The following ACBD6 variants were observed in gnomAD, a reference collection of about 807,000 sequenced individuals.
ACBD6 encodes the protein acyl-CoA binding domain containing 6, also known as acyl-CoA-binding domain-containing protein 6.
A neutral mutation model predicts 37.2 loss-of-function variants in ACBD6; 28 were observed. The ratio of observed to expected loss-of-function variants is 0.75; its 90% CI spans 0.56 to 1.03. The LOEUF (loss-of-function observed/expected upper bound fraction) is 1.03, where lower values mean the gene tolerates loss of function less well. ACBD6 is among the 50% of genes least tolerant of loss of function. The pLI, the probability that ACBD6 is intolerant of heterozygous loss-of-function variation, is 0.00. For missense variants in ACBD6, 340 were observed against 337.4 expected (o/e 1.01, Z -0.06); for synonymous variants, 113 against 126.8 (o/e 0.89, Z 0.73).
intron 7 of ACBD6, among the ~76,000 whole-genome samples, chr1:180,306,977 T>C (rs1650406278): frequency 2.0e-5 from 3 of 152,172 alleles, no homozygotes; most frequent in South Asian, 4.1e-4. Context: ...AATAGGCTAC[T>C]ATACGATCCA....
At chr1:180,404,766 G>A (rs1205338375) in intron 5 of ACBD6, among the ~76,000 whole-genome samples, 1 of 152,108 alleles carries the variant, frequency 6.6e-6, no homozygotes, top group East Asian at 1.9e-4. Context: ...CCTCATGTGA[G>A]CATATTTAAT....
intron 3 of ACBD6, among the ~76,000 whole-genome samples, chr1:180,454,927 G>T (rs1258961068): frequency 6.6e-6 from 1 of 152,204 alleles, no homozygotes; most frequent in African/African-American, 2.4e-5. Context: ...TGGTGGGACT[G>T]TAAACTAGTT....
chr1:180,308,626 C>T (rs1650477456), intron 7 of ACBD6, among the ~76,000 whole-genome samples: 1 of 152,188 alleles, frequency 6.6e-6, no homozygotes, highest in African/African-American at 2.4e-5. Context: ...ACCCCTTTGC[C>T]TCCTCTTTTA....
chr1:180,477,110 A>G (rs1650828943), intron 3 of ACBD6, among the ~76,000 whole-genome samples: 1 of 152,196 alleles, frequency 6.6e-6, no homozygotes. Flanking sequence ...ATACAGGAAC[A>G]GGTAATGGAT....
chr1:180,416,181 G>GT (rs1234642608), intron 4 of ACBD6, among the ~76,000 whole-genome samples: 2 of 152,008 alleles, frequency 1.3e-5, no homozygotes, highest in Non-Finnish European at 2.9e-5. Flanking sequence ...CAACCAAGCT[G>GT]TTTTTATACA....
rs1214746044 is a variant in ACBD6, at chr1:180,495,518, A to T, written c.230T>A (p.Val77Asp). The change falls in exon 2 of 8, where the codon GTT (valine) becomes GAT (aspartate). Residue 77 changes from valine (V) to aspartate (D), a missense_variant. Coordinates refer to ENST00000367595, the MANE Select transcript of ACBD6 (RefSeq NM_032360.4). ...YLYARYKQVK[V>D]GNCNTPKPSF... ...TGGTTTAGGAGTATTACAATTTCCA[A>T]CTTTGACCTAAATGAGGGAAGGAAA... 1.9e-6 allele frequency: 3 copies of T among 1,609,844 alleles called. No homozygotes were observed. The highest frequency in any genetic ancestry group is 2.2e-5 in the South Asian group (2 of 90,536).
intron 5 of ACBD6, among the ~76,000 whole-genome samples, chr1:180,407,639 C>T (rs183656250): frequency 1.5e-3 from 233 of 152,252 alleles, no homozygotes; most frequent in African/African-American, 5.4e-3. Context: ...CTTCTAAAAT[C>T]TAGTGGTAGG....
Position 180,288,388 on chromosome 1 carries a change from T to C in ACBD6, c.824A>G (p.Gln275Arg), listed in dbSNP as rs780069700. ...TGCKTVSLVLQRHTTGKA is the reference protein window; with the variant it reads ...TGCKTVSLVLRRHTTGKA ...TTAAGCCTTGCCAGTTGTGTGCCGCTGCAGCACCAAAGAAACTGTTTTGCA... is the reference window on the plus strand; with the variant it reads ...TTAAGCCTTGCCAGTTGTGTGCCGCCGCAGCACCAAAGAAACTGTTTTGCA... Residue 275 changes from glutamine (Q) to arginine (R), a missense_variant, in exon 8 of 8, where the codon CAG becomes CGG. Gln to Arg is a conservative substitution (Grantham distance 43, BLOSUM62 1). Coordinates refer to ENST00000367595, the MANE Select transcript of ACBD6 (RefSeq NM_032360.4). 22 of 1,613,678 alleles carry C rather than the reference T, an allele frequency of 1.4e-5. No homozygotes were observed. The Admixed American group carries it at 2.2e-4, about 16-fold the overall frequency.
chr1:180,391,860 A>T (rs377161823), intron 6 of ACBD6, among the ~76,000 whole-genome samples: 222 of 151,210 alleles, frequency 1.5e-3, no homozygotes, highest in African/African-American at 5.1e-3. Flanking sequence ...GAAAGCTCAC[A>T]GCCCCTTTAT....
chr1:180,308,068 C>A (rs1571342408), intron 7 of ACBD6, among the ~76,000 whole-genome samples: 2 of 152,188 alleles, frequency 1.3e-5, no homozygotes, highest in East Asian at 3.9e-4. Flanking sequence ...TTTCTTTAGA[C>A]AAATATTTTC....
chr1:180,345,082 A>G (rs979832255), intron 6 of ACBD6, among the ~76,000 whole-genome samples: 5 of 152,182 alleles, frequency 3.3e-5, no homozygotes, highest in African/African-American at 4.8e-5. Context: ...CTTAGTCTCT[A>G]TATTTGTATT....
intron 4 of ACBD6, among the ~76,000 whole-genome samples, chr1:180,417,535 T>C (rs1648149727): frequency 6.6e-6 from 1 of 152,222 alleles, no homozygotes; most frequent in African/African-American, 2.4e-5. Flanking sequence ...TAACTATTAA[T>C]CTGTTTTTCT....
At chr1:180,275,572 G>C (rs1251034749) in intron 9 of ACBD6, 2 of 152,330 alleles carry the variant, frequency 1.3e-5, no homozygotes, top group South Asian at 2.1e-4. Context: ...TTTTGAAGGA[G>C]TTGGTTTAGA....
intron 4 of ACBD6, among the ~76,000 whole-genome samples, chr1:180,424,593 C>T (rs1165943276): frequency 6.6e-6 from 1 of 152,042 alleles, no homozygotes; most frequent in Admixed American, 6.6e-5. Flanking sequence ...ATACAGTATA[C>T]CCACAACCTC....
intron 6 of ACBD6, among the ~76,000 whole-genome samples, chr1:180,332,901 T>A (rs756202917): frequency 4.6e-5 from 7 of 152,188 alleles, no homozygotes; most frequent in Non-Finnish European, 7.3e-5. Context: ...TACCTTGCTT[T>A]TAAATCCTTC....
chr1:180,403,383 T>C (rs1364445972), intron 5 of ACBD6, among the ~76,000 whole-genome samples: 1 of 152,218 alleles, frequency 6.6e-6, no homozygotes, highest in African/African-American at 2.4e-5. Flanking sequence ...TTCTAGTTAG[T>C]TATACGCATG....
chr1:180,360,022 G>C (rs536331924), intron 6 of ACBD6, among the ~76,000 whole-genome samples: 1 of 152,000 alleles, frequency 6.6e-6, no homozygotes, highest in African/African-American at 2.4e-5. Flanking sequence ...GAATAACAAG[G>C]TACTTTGGGT....
chr1:180,398,179 C>T (rs746125459), intron 5 of ACBD6, among the ~76,000 whole-genome samples: 1 of 152,164 alleles, frequency 6.6e-6, no homozygotes. Context: ...AGTTCACTTA[C>T]AGAGTGGAGA....
rs1649569199 is a variant in ACBD6, at chr1:180,288,318, T to C, written c.*45A>G. ...TTATTTTTGTAGTTTTCTTTCATAATGGAAGCCTTATGCTATTACAGACTG... is the reference window on the plus strand; with the variant it reads ...TTATTTTTGTAGTTTTCTTTCATAACGGAAGCCTTATGCTATTACAGACTG... On this transcript the variant is annotated 3_prime_UTR_variant, in exon 8 of 8. Transcript: ENST00000367595. 3 of 1,612,618 alleles carry C rather than the reference T, an allele frequency of 1.9e-6. No individual in the cohort carries two copies. The highest frequency in any genetic ancestry group is 2.5e-6 in the Non-Finnish European group (3 of 1,179,466).
Sources: gnomAD v4.1 joint callset for allele counts (sites outside exome capture counted in the v4.1 genomes callset) on GRCh38, gnomAD v4.1.1 for gene constraint, MANE v1.5 for transcripts, NCBI Gene and HGNC (gene_info 2026-07-23, HGNC 2026-07-21) for gene names.